The following GAREM1 variants were observed in gnomAD, a reference collection of about 807,000 sequenced individuals.
GAREM1 encodes the protein GRB2-associated and regulator of MAPK protein 1.
GAREM1 carries 26 observed loss-of-function variants against 71.3 expected under a neutral mutation model. That is an observed-to-expected ratio of 0.36 (90% CI 0.27 to 0.51). The LOEUF (loss-of-function observed/expected upper bound fraction) is 0.51, where lower values mean the gene tolerates loss of function less well. Ranked by LOEUF, GAREM1 falls within the 20% of genes least tolerant of loss-of-function variation. The pLI is 0.95. For missense variants in GAREM1, 1,026 were observed against 1,103.1 expected (o/e 0.93, Z 0.99); for synonymous variants, 440 against 433.2 (o/e 1.02, Z -0.20).
intron 3 of GAREM1, among the ~76,000 whole-genome samples, chr18:32,300,198 A>T (rs941394276): frequency 2.0e-5 from 3 of 152,246 alleles, no homozygotes; most frequent in Non-Finnish European, 4.4e-5. Context: ...GACTCCAGAG[A>T]GTAGGTAGAA....
intron 2 of GAREM1, among the ~76,000 whole-genome samples, chr18:32,373,460 C>T (rs980278621): frequency 7.9e-5 from 12 of 152,102 alleles, no homozygotes; most frequent in Non-Finnish European, 1.0e-4. Context: ...TTAGGGCATG[C>T]GAGTGGAGCT....
intron 1 of GAREM1, among the ~76,000 whole-genome samples, chr18:32,468,652 A>G (rs2144324782): frequency 6.6e-6 from 1 of 152,310 alleles, no homozygotes; most frequent in East Asian, 1.9e-4. Context: ...TAAAACTGAA[A>G]GTCATGTCGG....
chr18:32,335,291 T>G (rs1007492837), intron 2 of GAREM1, among the ~76,000 whole-genome samples: 20 of 152,238 alleles, frequency 1.3e-4, no homozygotes, highest in African/African-American at 4.3e-4. Flanking sequence ...AAAGGCAATG[T>G]AATTCACCCT....
intron 3 of GAREM1, among the ~76,000 whole-genome samples, chr18:32,307,975 T>A (rs915616956): frequency 1.3e-5 from 2 of 152,224 alleles, no homozygotes; most frequent in African/African-American, 4.8e-5. Flanking sequence ...TGTGTATTTC[T>A]TTATGTAAAT....
At chr18:32,408,912 T>C (rs2048390721) in intron 1 of GAREM1, among the ~76,000 whole-genome samples, 1 of 152,184 alleles carries the variant, frequency 6.6e-6, no homozygotes, top group Non-Finnish European at 1.5e-5. Flanking sequence ...TAATGCTAAC[T>C]AATCTAAAAG....
Position 32,268,406 on chromosome 18 carries a change from G to A in GAREM1, c.2096C>T (p.Ala699Val). ...ATCTGTGCTCTCCAGAGAGTAGCTG[G>A]CTGACTTGGGACAACCAGAGACGCT... ...SSSVSGCPKS[A>V]SYSLESTDVK... Residue 699 changes from alanine (A) to valine (V), a missense_variant, in exon 6 of 6, where the codon GCC (alanine) becomes GTC (valine). This residue lies in a region of GAREM1 where 636 missense variants were observed against 631.2 expected (regional missense o/e 1.01). Transcript: ENST00000269209. 6.2e-7 allele frequency: 1 copy of A among 1,614,174 alleles called. No homozygotes were observed. The highest frequency in any genetic ancestry group is 1.1e-5 in the South Asian group (1 of 91,082).
intron 4 of GAREM1, among the ~76,000 whole-genome samples, chr18:32,281,776 T>C (rs1179359273): frequency 6.6e-6 from 1 of 152,076 alleles, no homozygotes; most frequent in South Asian, 2.1e-4. Flanking sequence ...AGATCAAGAC[T>C]GTCAGCCCTC....
intron 2 of GAREM1, among the ~76,000 whole-genome samples, chr18:32,342,027 T>A (rs142935697): frequency 6.6e-6 from 1 of 151,900 alleles, no homozygotes; most frequent in East Asian, 1.9e-4. Context: ...AAAAAAAAGG[T>A]TTATTTTGAA....
At chr18:32,305,091 G>A (rs968883069) in intron 3 of GAREM1, among the ~76,000 whole-genome samples, 3 of 151,520 alleles carry the variant, frequency 2.0e-5, no homozygotes, top group East Asian at 1.9e-4. Context: ...ACAAGTAAAC[G>A]AAAACAACAT....
chr18:32,413,035 C>A (rs2048435416), intron 1 of GAREM1: 3 of 1,599,184 alleles, frequency 1.9e-6, no homozygotes, highest in African/African-American at 1.3e-5. Context: ...GTGTTTGGAT[C>A]TCTCATTACC....
chr18:32,307,682 C>A (rs555590136), intron 3 of GAREM1, among the ~76,000 whole-genome samples: 78 of 152,066 alleles, frequency 5.1e-4, no homozygotes, highest in Non-Finnish European at 7.2e-4. Context: ...TGCCACCAGC[C>A]CAACTAATTT....
intron 2 of GAREM1, among the ~76,000 whole-genome samples, chr18:32,350,337 C>A (rs1212335748): frequency 6.6e-6 from 1 of 152,226 alleles, no homozygotes; most frequent in South Asian, 2.1e-4. Context: ...CTTAATACAA[C>A]TACTATTACA....
rs766594958 is a variant in GAREM1, at chr18:32,264,095, T to C, written c.*3776A>G. 3.3e-5 allele frequency: 5 copies of C among 152,162 alleles called. No individual in the cohort carries two copies. The highest frequency in any genetic ancestry group is 9.7e-5 in the African/African-American group (4 of 41,440). The allele number at this position is 152,162 out of a possible 1,614,324, so 9.4% of individuals were successfully genotyped here. Reference sequence around the variant, plus strand: ...ATTTAACATGATGTAACCATGAGAATCCCGTATTATTACAATCCCACAATC... The same window carrying C: ...ATTTAACATGATGTAACCATGAGAACCCCGTATTATTACAATCCCACAATC... On this transcript the variant is annotated 3_prime_UTR_variant, in exon 6 of 6. Coordinates refer to ENST00000269209, the MANE Select transcript of GAREM1 (RefSeq NM_001242409.2).
rs1348845182 is a variant in GAREM1, at chr18:32,287,627, G to T, written c.970C>A (p.His324Asn). The change falls in exon 4 of 6, where the codon CAT (histidine) becomes AAT (asparagine). Residue 324 changes from histidine to asparagine, a missense_variant. Transcript: ENST00000269209. The surrounding 1 kb of genome is among the most constrained non-coding windows in gnomAD (Gnocchi z 5.9). ...TCTTGGCAGATACCTAGCCAGTGATGGACCAGGGTTTCGGGCCAGCTCTCT... is the reference window on the plus strand; with the variant it reads ...TCTTGGCAGATACCTAGCCAGTGATTGACCAGGGTTTCGGGCCAGCTCTCT... ...KGESWPETLV[H>N]HWLGICQEQF... 6.2e-7 allele frequency: 1 copy of T among 1,614,068 alleles called. No individual in the cohort carries two copies. Among genetic ancestry groups the T allele is most frequent in the Non-Finnish European group, 8.5e-7 (1 of 1,180,046 alleles).
At chr18:32,363,329 C>T (rs139078424) in intron 2 of GAREM1, among the ~76,000 whole-genome samples, 102 of 152,176 alleles carry the variant, frequency 6.7e-4, no homozygotes, top group African/African-American at 2.2e-3. Flanking sequence ...GGTTCCATTC[C>T]TTTGCAAATG....
rs560554439 is a variant in GAREM1, at chr18:32,470,503, G to A, written c.-75C>T. Reference sequence around the variant, plus strand: ...CACCCGCGCCTCGGCGGCCGCCGCTGCTCGCGCTCGCGGTCTGGGGCGCGC... The same window carrying A: ...CACCCGCGCCTCGGCGGCCGCCGCTACTCGCGCTCGCGGTCTGGGGCGCGC... On this transcript the variant is annotated 5_prime_UTR_variant, in exon 1 of 6. Transcript: ENST00000269209. This position sits in a 1 kb window ranked among gnomAD's most constrained non-coding sequence, Gnocchi z 4.4. 1.4e-4 allele frequency: 155 copies of A among 1,077,414 alleles called. No individual in the cohort carries two copies. The East Asian group carries it at 8.0e-3, about 56-fold the overall frequency. The allele number at this position is 1,077,414 out of a possible 1,614,324, so 66.7% of individuals were successfully genotyped here.
At chr18:32,362,231 CA>C (rs1245034707) in intron 2 of GAREM1, among the ~76,000 whole-genome samples, 2 of 152,190 alleles carry the variant, frequency 1.3e-5, no homozygotes, top group Admixed American at 6.5e-5. Context: ...TCACGATTCA[CA>C]GTTTCTTTCC....
intron 1 of GAREM1, among the ~76,000 whole-genome samples, chr18:32,454,899 G>A (rs970599904): frequency 6.6e-6 from 1 of 152,102 alleles, no homozygotes; most frequent in African/African-American, 2.4e-5. Flanking sequence ...CCATCTGTTG[G>A]AACATCACAC....
intron 1 of GAREM1, among the ~76,000 whole-genome samples, chr18:32,432,063 A>G (rs2048629908): frequency 6.6e-6 from 1 of 152,210 alleles, no homozygotes; most frequent in African/African-American, 2.4e-5. Context: ...AATAATTTAA[A>G]AATTATTCAA....
Sources: gnomAD v4.1 joint callset for allele counts (sites outside exome capture counted in the v4.1 genomes callset) on GRCh38, gnomAD v4.1.1 for gene constraint, gnomAD v4.1.1 regional missense constraint, Gnocchi (gnomAD v3.1) non-coding constraint, MANE v1.5 for transcripts, NCBI Gene and HGNC (gene_info 2026-07-23, HGNC 2026-07-21) for gene names.